The following CPQ variants were observed in gnomAD, a reference collection of about 807,000 sequenced individuals.
CPQ encodes Ser-Met dipeptidase.
In CPQ, 37 loss-of-function variants were observed where a neutral mutation model predicts 45.7. The observed-to-expected ratio is 0.81, with a 90% CI of 0.62 to 1.07. CPQ has a LOEUF of 1.07. CPQ is among the 50% of genes least tolerant of loss of function. The pLI, the probability that CPQ is intolerant of heterozygous loss-of-function variation, is 0.00. For synonymous variants in CPQ, 186 were observed against 205.8 expected, an observed-to-expected ratio of 0.90 and a Z score of 0.82; for missense variants, 537 against 572.9, an observed-to-expected ratio of 0.94 and a Z score of 0.64.
At chr8:96,704,904 A>G (rs1193973214) in intron 1 of CPQ, among the ~76,000 whole-genome samples, 1 of 152,120 alleles carries the variant, frequency 6.6e-6, no homozygotes. Flanking sequence ...GGCTATACAT[A>G]TTTTTGGGTT....
chr8:96,903,700 G>A (rs1049427045), intron 4 of CPQ, among the ~76,000 whole-genome samples: 1 of 152,188 alleles, frequency 6.6e-6, no homozygotes, highest in African/African-American at 2.4e-5. Flanking sequence ...AGCAGCTAAT[G>A]AGTGCTAGCA....
At chr8:97,091,821 G>A (rs569578062) in intron 7 of CPQ, among the ~76,000 whole-genome samples, 27 of 151,992 alleles carry the variant, frequency 1.8e-4, no homozygotes, top group Admixed American at 6.6e-4. Context: ...TTACCAAAGT[G>A]TACTAATGTG....
chr8:96,830,723 T>C (rs1326271777), intron 2 of CPQ, among the ~76,000 whole-genome samples: 2 of 152,096 alleles, frequency 1.3e-5, no homozygotes, highest in Non-Finnish European at 2.9e-5. Context: ...TATTAAGAGA[T>C]TGGGACCTAG....
chr8:97,133,608 T>G (rs2130625248), intron 7 of CPQ, among the ~76,000 whole-genome samples: 1 of 152,330 alleles, frequency 6.6e-6, no homozygotes, highest in South Asian at 2.1e-4. Context: ...AGAAACCAAG[T>G]CTGTGCAACT....
intron 6 of CPQ, among the ~76,000 whole-genome samples, chr8:97,050,055 G>A (rs991436506): frequency 3.3e-5 from 5 of 152,064 alleles, no homozygotes; most frequent in Non-Finnish European, 7.4e-5. Context: ...GGAGCTTTTG[G>A]CAAATTGCTT....
At chr8:97,116,097 G>A (rs1467504319) in intron 7 of CPQ, among the ~76,000 whole-genome samples, 1 of 152,040 alleles carries the variant, frequency 6.6e-6, no homozygotes, top group Non-Finnish European at 1.5e-5. Context: ...AGAAATGATA[G>A]GGCCTTGAGT....
chr8:96,741,180 G>C (rs181150828), intron 1 of CPQ, among the ~76,000 whole-genome samples: 3 of 149,922 alleles, frequency 2.0e-5, no homozygotes, highest in African/African-American at 7.4e-5. Flanking sequence ...CAGAGATTCA[G>C]CTTCTTCCTG....
chr8:96,715,816 C>T (rs912023207), intron 1 of CPQ, among the ~76,000 whole-genome samples: 13 of 152,282 alleles, frequency 8.5e-5, no homozygotes, highest in South Asian at 2.1e-4. Flanking sequence ...TCCCTGAGGG[C>T]CAGATTACTG....
At chr8:96,885,406 G>A (rs1355583656) in intron 4 of CPQ, among the ~76,000 whole-genome samples, 1 of 152,084 alleles carries the variant, frequency 6.6e-6, no homozygotes, top group African/African-American at 2.4e-5. Context: ...GAACTTTCGG[G>A]TGACATATGC....
intron 5 of CPQ, among the ~76,000 whole-genome samples, chr8:96,990,906 A>C (rs962357135): frequency 1.3e-5 from 2 of 152,188 alleles, no homozygotes; most frequent in Non-Finnish European, 2.9e-5. Context: ...GTCATAGTGC[A>C]ATCCATAGAT....
At chr8:96,959,066 A>G (rs1470815330) in intron 4 of CPQ, among the ~76,000 whole-genome samples, 2 of 152,298 alleles carry the variant, frequency 1.3e-5, no homozygotes, top group Middle Eastern at 3.4e-3. Flanking sequence ...TATTTGTTCA[A>G]ACATAGTCCC....
intron 6 of CPQ, among the ~76,000 whole-genome samples, chr8:97,032,145 T>C (rs1256150182): frequency 2.0e-5 from 3 of 152,156 alleles, no homozygotes; most frequent in Admixed American, 1.3e-4. Flanking sequence ...AGATCATCTG[T>C]TCCAAATAAG....
chr8:96,686,972 G>A (rs1163611990), intron 1 of CPQ, among the ~76,000 whole-genome samples: 1 of 151,924 alleles, frequency 6.6e-6, no homozygotes, highest in South Asian at 2.1e-4. Context: ...GGTGTTATAG[G>A]AGTCTTTTAA....
chr8:96,702,319 G>A (rs543280070), intron 1 of CPQ, among the ~76,000 whole-genome samples: 5 of 152,228 alleles, frequency 3.3e-5, no homozygotes, highest in Non-Finnish European at 7.4e-5. Flanking sequence ...CCAATATCCC[G>A]TGTGGGCCTC....
At chr8:97,067,658 T>C (rs1810662514) in intron 7 of CPQ, among the ~76,000 whole-genome samples, 1 of 152,222 alleles carries the variant, frequency 6.6e-6, no homozygotes, top group South Asian at 2.1e-4. Flanking sequence ...TAATAATCTT[T>C]CATAACTAAA....
intron 4 of CPQ, among the ~76,000 whole-genome samples, chr8:96,951,892 A>G (rs992207655): frequency 2.6e-5 from 4 of 151,774 alleles, no homozygotes; most frequent in Admixed American, 1.3e-4. Context: ...TACAATAATT[A>G]TGCATAATCA....
At chr8:96,986,978 C>T (rs1349220616) in intron 5 of CPQ, among the ~76,000 whole-genome samples, 1 of 151,968 alleles carries the variant, frequency 6.6e-6, no homozygotes, top group Non-Finnish European at 1.5e-5. Flanking sequence ...TCATTGTTGG[C>T]TAGTGGCCCT....
At chr8:96,672,294 T>G (rs1809014579) in intron 1 of CPQ, among the ~76,000 whole-genome samples, 1 of 152,126 alleles carries the variant, frequency 6.6e-6, no homozygotes. Flanking sequence ...CCTTGTTCTG[T>G]GCAGCATCCC....
intron 4 of CPQ, among the ~76,000 whole-genome samples, chr8:96,964,106 A>G (rs1211049732): frequency 8.6e-6 from 1 of 116,476 alleles, no homozygotes; most frequent in South Asian, 2.8e-4. Context: ...TTTTTTTTTT[A>G]GAAGGGTTAG....
Sources: allele counts gnomAD v4.1 joint callset (sites outside exome capture counted in the v4.1 genomes callset), GRCh38; gene constraint gnomAD v4.1.1; transcripts MANE v1.5; gene names NCBI Gene and HGNC (gene_info 2026-07-23, HGNC 2026-07-21).